Variants in CLSTN2 observed in about 807,000 individuals in gnomAD.
CLSTN2 encodes the protein calsyntenin-2.
Under a neutral mutation model 101.2 loss-of-function variants are expected in CLSTN2, and 48 were observed. That is an observed-to-expected ratio of 0.47 (90% CI 0.38 to 0.60). The LOEUF is 0.60. Among genes scored for constraint, CLSTN2 ranks in the 20% least tolerant of loss-of-function variants. CLSTN2 has a pLI of 0.00. For missense variants in CLSTN2, 1,160 were observed against 1,238.2 expected (o/e 0.94, Z 0.95); for synonymous variants, 481 against 463.6 (o/e 1.04, Z -0.48).
intron 2 of CLSTN2, among the ~76,000 whole-genome samples, chr3:140,232,210 A>G (rs2086377092): frequency 6.6e-6 from 1 of 152,214 alleles, no homozygotes; most frequent in Non-Finnish European, 1.5e-5. Context: ...AAACTTATTG[A>G]TGCTGCAAAC....
At chr3:140,070,888 A>G (rs535439761) in intron 1 of CLSTN2, among the ~76,000 whole-genome samples, 1 of 152,344 alleles carries the variant, frequency 6.6e-6, no homozygotes, top group East Asian at 1.9e-4. Context: ...TAGTTACTAC[A>G]GAGACTGAAT....
At chr3:140,562,715 C>T in intron 13 of CLSTN2, 96 bp from the exon 14 acceptor site, 2 of 1,320,264 alleles carry the variant, frequency 1.5e-6, no homozygotes, top group East Asian at 2.3e-5. Flanking sequence ...TTTACAAGAC[C>T]CATGAGGTCT....
At chr3:140,553,777 G>C (rs1055087310) in intron 10 of CLSTN2, among the ~76,000 whole-genome samples, 2 of 152,210 alleles carry the variant, frequency 1.3e-5, no homozygotes, top group African/African-American at 4.8e-5. Context: ...CCATTGGCCA[G>C]AGGTAGTCAT....
intron 2 of CLSTN2, among the ~76,000 whole-genome samples, chr3:140,373,093 A>T (rs775722146): frequency 6.6e-6 from 1 of 152,232 alleles, no homozygotes; most frequent in East Asian, 1.9e-4. Flanking sequence ...AATAATTTTT[A>T]AAAAGCTAAA....
chr3:140,377,426 A>G (rs556474032), intron 2 of CLSTN2, among the ~76,000 whole-genome samples: 55 of 152,340 alleles, frequency 3.6e-4, no homozygotes, highest in Non-Finnish European at 7.4e-4. Flanking sequence ...AGAAGAAGGC[A>G]TTGTTGTCCT....
intron 1 of CLSTN2, among the ~76,000 whole-genome samples, chr3:140,013,746 G>C (rs1576396950): frequency 1.3e-5 from 2 of 151,836 alleles, no homozygotes; most frequent in African/African-American, 4.8e-5. Flanking sequence ...AAAAAAATAA[G>C]ATGCTGTAGA....
chr3:140,531,097 C>A (rs1395878124), intron 8 of CLSTN2, among the ~76,000 whole-genome samples: 1 of 152,048 alleles, frequency 6.6e-6, no homozygotes, highest in Non-Finnish European at 1.5e-5. Context: ...AGCTTGAGAG[C>A]CCTGCACCCA....
intron 5 of CLSTN2, among the ~76,000 whole-genome samples, chr3:140,438,247 G>C (rs1244443431): frequency 6.6e-6 from 1 of 151,836 alleles, no homozygotes; most frequent in African/African-American, 2.4e-5. Flanking sequence ...TCCTAACCCT[G>C]TCAGAGAGCC....
chr3:140,467,143 T>C (rs1041313498), intron 8 of CLSTN2, among the ~76,000 whole-genome samples: 2 of 152,184 alleles, frequency 1.3e-5, no homozygotes, highest in Non-Finnish European at 2.9e-5. Context: ...GGACAGGGAC[T>C]TGAGGGCTTT....
intron 1 of CLSTN2, among the ~76,000 whole-genome samples, chr3:139,954,944 G>A (rs1935361935): frequency 6.6e-6 from 1 of 151,718 alleles, no homozygotes; most frequent in Non-Finnish European, 1.5e-5. Flanking sequence ...TTAGACACAT[G>A]GCCCAGCTTA....
intron 1 of CLSTN2, among the ~76,000 whole-genome samples, chr3:140,123,679 T>C (rs2009381136): frequency 6.6e-6 from 1 of 152,056 alleles, no homozygotes. Flanking sequence ...AAGTCCAAGA[T>C]CAAGGGCCAG....
At chr3:140,484,246 A>G (rs573210164) in intron 8 of CLSTN2, among the ~76,000 whole-genome samples, 2 of 152,324 alleles carry the variant, frequency 1.3e-5, no homozygotes, top group Non-Finnish European at 2.9e-5. Context: ...TGGATATGAA[A>G]TTCTGGGTTG....
chr3:140,530,088 T>G (rs983751547), intron 8 of CLSTN2, among the ~76,000 whole-genome samples: 10 of 152,320 alleles, frequency 6.6e-5, no homozygotes, highest in East Asian at 3.9e-4. Flanking sequence ...GAATCTTTCC[T>G]AAGGATATAA....
chr3:140,090,875 G>A lies in CLSTN2; in HGVS notation c.110-85076G>A, dbSNP rs373278106. Among the ~76,000 whole-genome samples, 57 of 152,272 alleles carry A rather than the reference G, an allele frequency of 3.7e-4. No homozygotes were observed. In the South Asian group the frequency reaches 9.6e-3, roughly 26 times the overall value. On this transcript the variant is annotated intron_variant, in intron 1 of 16. Transcript: ENST00000458420. ...TACTACTGGTCAGGGGGTCAAAACA[G>A]AGCTTTGTGGTAGGAAGTTAGAGGC...
intron 1 of CLSTN2, among the ~76,000 whole-genome samples, chr3:140,066,287 C>T (rs943001467): frequency 1.3e-5 from 2 of 152,184 alleles, no homozygotes; most frequent in African/African-American, 2.4e-5. Context: ...GAGCAGCCTC[C>T]CACTTCCTAC....
intron 2 of CLSTN2, among the ~76,000 whole-genome samples, chr3:140,264,357 T>C (rs1385127683): frequency 9.0e-6 from 1 of 111,060 alleles, no homozygotes; most frequent in Non-Finnish European, 2.0e-5. Flanking sequence ...TTGCTGTGAG[T>C]TCAAGGTTAA....
intron 6 of CLSTN2, among the ~76,000 whole-genome samples, chr3:140,457,645 A>T (rs1401890646): frequency 6.6e-6 from 1 of 152,226 alleles, no homozygotes; most frequent in African/African-American, 2.4e-5. Flanking sequence ...AGGGGGTGAG[A>T]ACAGGTAAGT....
Position 140,546,533 on chromosome 3 carries a change from C to T in CLSTN2, c.1526C>T (p.Pro509Leu). The T allele has an allele frequency of 6.2e-7, 1 of 1,613,888 alleles. No homozygotes were observed. Among genetic ancestry groups the T allele is most frequent in the Non-Finnish European group, 8.5e-7 (1 of 1,179,890 alleles). Residue 509 changes from proline to leucine, a missense_variant, in exon 10 of 17, where the codon CCA becomes CTA. Pro to Leu is a moderately conservative substitution (Grantham distance 98, BLOSUM62 -3). Coordinates refer to ENST00000458420, the MANE Select transcript of CLSTN2 (RefSeq NM_022131.3). ...TTTTCAGGAGGAGAAGTCACCAAAC[C>T]ACAGTTTGCTCAGTTCTTTCATGGA... ...ACWQGGEVTKPQFAQFFHGSL... is the reference protein window; with the variant it reads ...ACWQGGEVTKLQFAQFFHGSL...
At chr3:140,345,245 CTTTTTTTCTTT>C (rs1050655172) in intron 2 of CLSTN2, among the ~76,000 whole-genome samples, 5 of 135,992 alleles carry the variant, frequency 3.7e-5, no homozygotes, top group Admixed American at 1.5e-4. Flanking sequence ...TGGATATAGC[CTTTTTTTCTTT>C]TTTTTTTTTG....
Sources: allele counts gnomAD v4.1 joint callset (sites outside exome capture counted in the v4.1 genomes callset), GRCh38; gene constraint gnomAD v4.1.1; transcripts MANE v1.5; gene names NCBI Gene and HGNC (gene_info 2026-07-23, HGNC 2026-07-21).